BIRC6: variants seen among roughly 807,000 people sequenced by gnomAD.
BIRC6 encodes the protein dual E2 ubiquitin-conjugating enzyme/E3 ubiquitin-protein ligase BIRC6.
BIRC6 carries 98 observed loss-of-function variants against 503.3 expected under a neutral mutation model. That is an observed-to-expected ratio of 0.19 (90% CI 0.17 to 0.23). The LOEUF (loss-of-function observed/expected upper bound fraction) is 0.23. Among genes scored for constraint, BIRC6 ranks in the 10% least tolerant of loss-of-function variants. BIRC6 has a pLI of 1.00. For synonymous variants in BIRC6, 2,240 were observed against 2,078.7 expected, an observed-to-expected ratio of 1.08 and a Z score of -2.11; for missense variants, 5,360 against 5,806.0, an observed-to-expected ratio of 0.92 and a Z score of 2.50.
Position 32,509,775 on chromosome 2 carries a change from C to T in BIRC6, c.10018C>T (p.His3340Tyr), listed in dbSNP as rs755110587. The T allele has an allele frequency of 6.2e-7, 1 of 1,613,966 alleles. No homozygotes were observed. The highest frequency in any genetic ancestry group is 8.5e-7 in the Non-Finnish European group (1 of 1,179,842). Residue 3340 changes from histidine to tyrosine, a missense_variant, in exon 52 of 74, where the codon CAC becomes TAC. Coordinates refer to ENST00000421745, the MANE Select transcript of BIRC6 (RefSeq NM_016252.4). The stretch of plus-strand genomic sequence containing the variant: ...ACGGTTATTACATCATTGCCTTACT[C>T]ACATAAGTGATCTAGAAGGAATGAT... ...WLRLLHHCLT[H>Y]ISDLEGMMAS... is the part of the protein sequence containing the mutation.
intron 52 of BIRC6, 98 bp from the exon 53 acceptor site, chr2:32,510,428 G>A: frequency 2.7e-6 from 2 of 742,706 alleles, no homozygotes; most frequent in South Asian, 1.7e-5. Context: ...ATTTATGGAA[G>A]CCTCATTTTT....
At chr2:32,516,901 T>C (rs1184081073) in intron 55 of BIRC6, among the ~76,000 whole-genome samples, 2 of 152,172 alleles carry the variant, frequency 1.3e-5, no homozygotes, top group Non-Finnish European at 2.9e-5. Context: ...ATAGAGCCTA[T>C]ATGAGATATG....
At chr2:32,426,764 T>G (rs1219542070) in intron 10 of BIRC6, among the ~76,000 whole-genome samples, 1 of 152,266 alleles carries the variant, frequency 6.6e-6, no homozygotes, top group Non-Finnish European at 1.5e-5. Context: ...TTGATGTTGC[T>G]TTCCTTCCTC....
intron 22 of BIRC6, 90 bp from the exon 23 acceptor site, chr2:32,453,718 A>T: frequency 8.1e-7 from 1 of 1,233,034 alleles, no homozygotes; most frequent in Non-Finnish European, 1.2e-6. Context: ...TGTTCTAATT[A>T]AAATTGAAGT....
intron 71 of BIRC6, among the ~76,000 whole-genome samples, chr2:32,603,577 G>A (rs1376401019): frequency 1.3e-5 from 2 of 152,002 alleles, no homozygotes; most frequent in African/African-American, 4.8e-5. Flanking sequence ...ACAATTAGCC[G>A]GACGAGGTGG....
At chr2:32,396,814 C>T (rs772214533) in intron 6 of BIRC6, among the ~76,000 whole-genome samples, 24 of 152,068 alleles carry the variant, frequency 1.6e-4, no homozygotes, top group Non-Finnish European at 3.2e-4. Context: ...ACCTCTACCT[C>T]CCGGGTTCAG....
At position 32,490,028 on chromosome 2, in the gene BIRC6, C is replaced by T. The variant is rs1386783905; in HGVS notation, c.8096-13C>T. The T allele has an allele frequency of 7.1e-6, 11 of 1,552,252 alleles. No homozygotes were observed. The highest frequency in any genetic ancestry group is 8.9e-6 in the Non-Finnish European group (10 of 1,129,584). ...TTTCTGAAAAATATTTTCCCTTTCT[C>T]TTTTCTGCATAGCATCAATAACTAG... On this transcript the variant is annotated splice_polypyrimidine_tract_variant and intron_variant, in intron 42 of 73. Coordinates refer to ENST00000421745, the MANE Select transcript of BIRC6 (RefSeq NM_016252.4).
chr2:32,415,940 A>G lies in BIRC6; in HGVS notation c.2649A>G (p.Leu883=), dbSNP rs1167780549. ...DCEEPIEDMQ[L]TSKNGFEREK... ...AGGAACCTATTGAGGACATGCAGTT[A>G]ACCTCAAAGAATGGTTTTGAGAGAG... is the stretch of plus-strand genomic sequence containing the variant. The change falls in exon 10 of 74, where the codon TTA becomes TTG. Residue 883 remains leucine, a synonymous_variant. Coordinates refer to ENST00000421745, the MANE Select transcript of BIRC6 (RefSeq NM_016252.4). 6.2e-7 allele frequency: 1 copy of G among 1,613,920 alleles called. No homozygotes were observed. The highest frequency in any genetic ancestry group is 2.2e-5 in the East Asian group (1 of 44,882).
chr2:32,542,074 AT>A (rs2057705170), intron 61 of BIRC6, among the ~76,000 whole-genome samples: 1 of 152,058 alleles, frequency 6.6e-6, no homozygotes, highest in African/African-American at 2.4e-5. Flanking sequence ...CATGGCCTTC[AT>A]GGCCTTGACA....
In BIRC6 at chr2:32,415,035, C is replaced by T. The variant is rs981427805; in HGVS notation, c.1744C>T (p.Pro582Ser). Residue 582 changes from proline (P) to serine (S), a missense_variant, in exon 10 of 74, where the codon CCC (proline) becomes TCC (serine). Physicochemically the swap from Pro to Ser is moderately conservative, Grantham distance 74. Coordinates refer to ENST00000421745, the MANE Select transcript of BIRC6 (RefSeq NM_016252.4). ...AACATATAAATCTCCTGCTACCTCA[C>T]CCATTAGTAGTAATTCTCACAGGTC... ...LLTYKSPATS[P>S]ISSNSHRSLD... is the part of the protein sequence containing the mutation. 5.0e-6 allele frequency: 8 copies of T among 1,613,904 alleles called. No individual in the cohort carries two copies. Among genetic ancestry groups the T allele is most frequent in the Non-Finnish European group, 5.9e-6 (7 of 1,179,864 alleles).
Position 32,415,069 on chromosome 2 carries a change from G to A in BIRC6, c.1778G>A (p.Gly593Asp). 1 of 1,613,906 alleles carries A rather than the reference G, an allele frequency of 6.2e-7. No individual in the cohort carries two copies. The highest frequency in any genetic ancestry group is 8.5e-7 in the Non-Finnish European group (1 of 1,179,866). The change falls in exon 10 of 74, where the codon GGT becomes GAT. Residue 593 changes from glycine (G) to aspartate (D), a missense_variant. Transcript: ENST00000421745. ...AGTAATTCTCACAGGTCACTGGATG[G>A]TTTAAGCAGAACTCAGGGTGAAAGT... ...ISSNSHRSLD[G>D]LSRTQGESIS...
chr2:32,504,172 T>G (rs1403645891), intron 49 of BIRC6, among the ~76,000 whole-genome samples: 1 of 151,948 alleles, frequency 6.6e-6, no homozygotes, highest in Non-Finnish European at 1.5e-5. Flanking sequence ...GTGTTAGGAT[T>G]ACAGGCATGA....
chr2:32,480,612 G>A (rs571984986), intron 37 of BIRC6, among the ~76,000 whole-genome samples: 1 of 117,726 alleles, frequency 8.5e-6, no homozygotes, highest in South Asian at 3.2e-4. Flanking sequence ...AGAAAAATAA[G>A]GTAAATGGCT....
rs746777339 is a variant in BIRC6 at position 32,357,248 on chromosome 2, GGCGGCT to G, written c.99_104del (p.Ala35_Ala36del). ...TTGTGCTGAGCGCAGGCCGGAAGAT[GGCGGCT>G]GCGGCTGCGGCGGCCTCGGGCCCCG... On this transcript the variant is annotated inframe_deletion, in exon 1 of 74. Transcript: ENST00000421745. This position sits in a 1 kb window ranked among gnomAD's most constrained non-coding sequence, Gnocchi z 4.9. 13 of 1,524,348 alleles carry G rather than the reference GGCGGCT, an allele frequency of 8.5e-6. No individual in the cohort carries two copies. The highest frequency in any genetic ancestry group is 1.8e-4 in the Middle Eastern group (1 of 5,598). 94.4% of individuals were successfully genotyped at this position (1,524,348 alleles called of 1,614,324 possible).
At chr2:32,536,304 A>T (rs921015182) in intron 61 of BIRC6, among the ~76,000 whole-genome samples, 12 of 152,188 alleles carry the variant, frequency 7.9e-5, no homozygotes, top group African/African-American at 2.9e-4. Flanking sequence ...GAAGCTCTTT[A>T]GCTTAATTAG....
chr2:32,442,510 G>A, intron 19 of BIRC6, 55 bp downstream of exon 19: 1 of 1,495,490 alleles, frequency 6.7e-7, no homozygotes, highest in Non-Finnish European at 9.0e-7. Context: ...GCAATTTAGT[G>A]GGTGATACCT....
chr2:32,611,849 A>C (rs2062898161), intron 73 of BIRC6, among the ~76,000 whole-genome samples: 1 of 152,152 alleles, frequency 6.6e-6, no homozygotes, highest in Admixed American at 6.5e-5. Flanking sequence ...AATGATGACA[A>C]GATGTGCTCC....
chr2:32,528,227 CT>C (rs961322150), intron 59 of BIRC6: 294 of 144,224 alleles, frequency 2.0e-3, no homozygotes, highest in Non-Finnish European at 2.1e-3. Flanking sequence ...CTGCTTTTTC[CT>C]TTTTTTTTTT....
rs369991448 is a variant in BIRC6 at position 32,468,640 on chromosome 2, A to G, written c.5984A>G (p.Lys1995Arg). The change falls in exon 29 of 74, where the codon AAA (lysine) becomes AGA (arginine). Residue 1995 changes from lysine (K) to arginine (R), a missense_variant. This residue lies in a region of BIRC6 where 2,299 missense variants were observed against 2,267.2 expected (regional missense o/e 1.01). Transcript: ENST00000421745. ...GCTCATAATGCAGTGCAGAGGCTCA[A>G]AGTGGCGCTAGGTGCAAGCCGGAAG... ...NLAHNAVQRLKVALGASRKML... is the reference protein window; with the variant it reads ...NLAHNAVQRLRVALGASRKML... 4.3e-6 allele frequency: 7 copies of G among 1,614,028 alleles called. No individual in the cohort carries two copies. The highest frequency in any genetic ancestry group is 1.1e-5 in the South Asian group (1 of 91,090).
Sources: gnomAD v4.1 joint callset for allele counts (sites outside exome capture counted in the v4.1 genomes callset) on GRCh38, gnomAD v4.1.1 for gene constraint, gnomAD v4.1.1 regional missense constraint, Gnocchi (gnomAD v3.1) non-coding constraint, MANE v1.5 for transcripts, NCBI Gene and HGNC (gene_info 2026-07-23, HGNC 2026-07-21) for gene names.